Variants in RNF38 observed in about 807,000 individuals in gnomAD.
RNF38 encodes E3 ubiquitin-protein ligase RNF38.
Under a neutral mutation model 67.2 loss-of-function variants are expected in RNF38, and 15 were observed. The ratio of observed to expected loss-of-function variants is 0.22; its 90% CI spans 0.15 to 0.34. The LOEUF is 0.34. Ranked by LOEUF, RNF38 falls within the 10% of genes least tolerant of loss-of-function variation. RNF38 has a pLI of 1.00. For synonymous variants in RNF38, 220 were observed against 218.8 expected (o/e 1.01, Z -0.05); for missense variants, 524 against 639.9 (o/e 0.82, Z 1.95).
chr9:36,380,847 C>T (rs1443285656), intron 2 of RNF38, among the ~76,000 whole-genome samples: 1 of 152,140 alleles, frequency 6.6e-6, no homozygotes, highest in Non-Finnish European at 1.5e-5. Context: ...AAAGGGAAAT[C>T]ATCAAGGACT....
chr9:36,401,337 C>T, upstream of RNF38: 5 of 475,064 alleles, frequency 1.1e-5, no homozygotes, highest in South Asian at 4.6e-4. Context: ...ACCGCAGGGC[C>T]CTGTTCCAAT....
chr9:36,341,384 T>G lies in RNF38; in HGVS notation c.1485+941A>C, dbSNP rs1283478422. Among the ~76,000 whole-genome samples the G allele has an allele frequency of 2.6e-5, 4 of 152,324 alleles. No individual in the cohort carries two copies. The East Asian group carries it at 7.7e-4, about 29-fold the overall frequency. ...AACTGACTTTATCTTCCTCACCAAA[T>G]AGTAAGGTTATCTAGTTTTATCCAA... On this transcript the variant is annotated intron_variant, in intron 11 of 11. Coordinates refer to ENST00000259605, the MANE Select transcript of RNF38 (RefSeq NM_022781.5).
Position 36,436,921 on chromosome 9 carries a change from GA to G in RNF38, n.242-12239del, listed in dbSNP as rs1479252045. 6.6e-5 allele frequency among the ~76,000 whole-genome samples: 10 copies of G among 151,598 alleles called. No homozygotes were observed. In the East Asian group the frequency reaches 1.7e-3, roughly 26 times the overall value. On this transcript the variant is annotated intron_variant and non_coding_transcript_variant, in intron 1 of 3. Coordinates refer to the RNF38 transcript ENST00000488058. ...ATGGCAACCAGGGTTGGTAATCTTT[GA>G]AAGCTGTTTTCTGACTTCCTAGTTC...
intron 1 of RNF38, among the ~76,000 whole-genome samples, chr9:36,478,326 C>T (rs1840169263): frequency 6.7e-6 from 1 of 148,472 alleles, no homozygotes; most frequent in Non-Finnish European, 1.5e-5. Flanking sequence ...ATGGCGTGAA[C>T]CTGGGAGGCG....
chr9:36,401,225 G>A (rs1838015665), upstream of RNF38: 7 of 983,362 alleles, frequency 7.1e-6, no homozygotes, highest in Non-Finnish European at 8.4e-6. Flanking sequence ...GGGCGGGGCT[G>A]CGCGCGGCCC....
chr9:36,347,538 T>C (rs761603347), intron 9 of RNF38, among the ~76,000 whole-genome samples: 8 of 152,230 alleles, frequency 5.3e-5, no homozygotes, highest in Non-Finnish European at 1.2e-4. Context: ...TCTTTGACGT[T>C]ACTATTGCAC....
chr9:36,414,687 C>CAAA (rs549559098), intron 2 of RNF38, among the ~76,000 whole-genome samples: 38 of 70,034 alleles, frequency 5.4e-4, no homozygotes, highest in African/African-American at 1.6e-3. Flanking sequence ...ACTCTGTCTC[C>CAAA]AAAAAAAAAA....
chr9:36,366,863 T>TGG (rs1269721421), intron 4 of RNF38, among the ~76,000 whole-genome samples: 1 of 152,180 alleles, frequency 6.6e-6, no homozygotes, highest in Non-Finnish European at 1.5e-5. Context: ...GAAAAATTAT[T>TGG]GGGGGAACTG....
At chr9:36,407,081 A>G (rs1838201334) in intron 2 of RNF38, among the ~76,000 whole-genome samples, 2 of 152,264 alleles carry the variant, frequency 1.3e-5, no homozygotes, top group East Asian at 1.9e-4. Flanking sequence ...CATTTAGCCT[A>G]CGCAGTATCT....
intron 1 of RNF38, among the ~76,000 whole-genome samples, chr9:36,441,588 C>G (rs1839192331): frequency 6.6e-6 from 1 of 152,150 alleles, no homozygotes; most frequent in African/African-American, 2.4e-5. Context: ...CTCCCAAGTG[C>G]TGGGATTACA....
rs34112141 is a variant in RNF38 at position 36,376,926 on chromosome 9, C to CAA, written c.163-801_163-800dup. On this transcript the variant is annotated intron_variant, in intron 2 of 11. Coordinates refer to ENST00000259605, the MANE Select transcript of RNF38 (RefSeq NM_022781.5). The stretch of plus-strand genomic sequence containing the variant: ...CGGCGACAAGAGTGAGACTCTGTCT[C>CAA]AAAAAAAAAAAAAAAAAAAAAGTTA... 5.4e-4 allele frequency among the ~76,000 whole-genome samples: 55 copies of CAA among 102,108 alleles called. 1 individual carries two copies. The Middle Eastern group carries it at 0.015, about 28-fold the overall frequency. The allele number at this position is 102,108 out of a possible 152,430, so 67.0% of individuals were successfully genotyped here.
intron 10 of RNF38, among the ~76,000 whole-genome samples, chr9:36,343,670 C>T (rs1207206279): frequency 1.3e-5 from 2 of 151,982 alleles, no homozygotes. Flanking sequence ...ACCCAAATGT[C>T]CATCCATCGA....
At chr9:36,400,959 G>A (rs1052543022), upstream of RNF38, 3 of 974,842 alleles carry the variant, frequency 3.1e-6, no homozygotes, top group African/African-American at 3.7e-5. Flanking sequence ...TCACAGACCC[G>A]GGCTCCCTAT....
At chr9:36,339,986 ATT>A (rs5897634) in intron 11 of RNF38, among the ~76,000 whole-genome samples, 172 bp from the exon 12 acceptor site, 1 of 151,684 alleles carries the variant, frequency 6.6e-6, no homozygotes, top group African/African-American at 2.4e-5. Context: ...TAGCCCAGGA[ATT>A]TTTTTTTTGA....
At chr9:36,453,527 C>A (rs182910313) in intron 1 of RNF38, among the ~76,000 whole-genome samples, 2 of 151,962 alleles carry the variant, frequency 1.3e-5, no homozygotes, top group Admixed American at 6.6e-5. Context: ...GGATTACAGG[C>A]GCACGCTGCC....
At chr9:36,449,039 C>T (rs181247956) in intron 1 of RNF38, among the ~76,000 whole-genome samples, 538 of 152,188 alleles carry the variant, frequency 3.5e-3, no homozygotes, top group Non-Finnish European at 6.1e-3. Context: ...TAGACCCAAA[C>T]TATAAACCAG....
intron 2 of RNF38, among the ~76,000 whole-genome samples, chr9:36,383,520 T>A (rs1485090430): frequency 6.6e-6 from 1 of 152,182 alleles, no homozygotes; most frequent in Non-Finnish European, 1.5e-5. Flanking sequence ...AAACTGAAAC[T>A]TTTTAAGGCA....
chr9:36,429,222 A>C (rs1005759132), intron 1 of RNF38, among the ~76,000 whole-genome samples: 7 of 152,226 alleles, frequency 4.6e-5, no homozygotes, highest in African/African-American at 1.7e-4. Context: ...ATTATGATGA[A>C]AAAAGAATCC....
chr9:36,400,791 T>C, upstream of RNF38: 1 of 984,182 alleles, frequency 1.0e-6, no homozygotes, highest in South Asian at 4.7e-5. Context: ...GATGACAGAG[T>C]CGCCTAACGC....
Sources: allele counts gnomAD v4.1 joint callset (sites outside exome capture counted in the v4.1 genomes callset), GRCh38; gene constraint gnomAD v4.1.1; transcripts MANE v1.5; gene names NCBI Gene and HGNC (gene_info 2026-07-23, HGNC 2026-07-21).